The following CHCHD6 variants were observed in gnomAD, a reference collection of about 807,000 sequenced individuals.
The protein encoded by CHCHD6 is MICOS complex subunit MIC25.
In CHCHD6, 28 loss-of-function variants were observed where a neutral mutation model predicts 32.3. That is an observed-to-expected ratio of 0.87 (90% CI 0.64 to 1.19). The LOEUF is 1.19. CHCHD6 is among the 50% of genes most tolerant of loss of function. CHCHD6 has a pLI of 0.00. For missense variants in CHCHD6, 333 were observed against 307.0 expected, an observed-to-expected ratio of 1.08 and a Z score of -0.63; for synonymous variants, 122 against 117.5, an observed-to-expected ratio of 1.04 and a Z score of -0.25.
intron 7 of CHCHD6, among the ~76,000 whole-genome samples, chr3:126,959,506 G>A (rs934100575): frequency 3.3e-5 from 5 of 152,262 alleles, no homozygotes; most frequent in South Asian, 2.1e-4. Flanking sequence ...ACCAGAGAGC[G>A]GGGAGTGAAG....
At chr3:126,824,561 A>C (rs1018290682) in intron 4 of CHCHD6, among the ~76,000 whole-genome samples, 2 of 26,978 alleles carry the variant, frequency 7.4e-5, no homozygotes, top group Non-Finnish European at 1.1e-4. Context: ...ACTCTGTCTC[A>C]AAAAAAAAAA....
rs749981701 is a variant in CHCHD6, at chr3:126,704,278, G to C, written c.-35G>C. On this transcript the variant is annotated 5_prime_UTR_variant, in exon 1 of 8. Transcript: ENST00000290913. ...CCCGGTTGCTCTGGAGCCGGGTCTCGGGTCTGGTGGCTGCCGGCCCTGCGG... is the reference window on the plus strand; with the variant it reads ...CCCGGTTGCTCTGGAGCCGGGTCTCCGGTCTGGTGGCTGCCGGCCCTGCGG... The C allele has an allele frequency of 1.3e-6, 2 of 1,569,002 alleles. No individual in the cohort carries two copies. Among genetic ancestry groups the C allele is most frequent in the Non-Finnish European group, 1.7e-6 (2 of 1,149,088 alleles).
At position 126,791,518 on chromosome 3, in the gene CHCHD6, A is replaced by G. The variant is rs923678573; in HGVS notation, c.411+58296A>G. ...TTTGTTTACCTACTCAAGCCTCAGC[A>G]ATGGCGGGCGCCCCTCCCCCAGCCT... On this transcript the variant is annotated intron_variant, in intron 4 of 7. Coordinates refer to ENST00000290913, the MANE Select transcript of CHCHD6 (RefSeq NM_032343.3). Among the ~76,000 whole-genome samples the G allele has an allele frequency of 2.6e-5, 4 of 152,228 alleles. No individual in the cohort carries two copies. The South Asian group carries it at 6.2e-4, about 24-fold the overall frequency.
intron 4 of CHCHD6, among the ~76,000 whole-genome samples, chr3:126,760,651 G>C (rs767652679): frequency 1.3e-5 from 2 of 152,158 alleles, no homozygotes; most frequent in African/African-American, 4.8e-5. Flanking sequence ...AGGTTTATCC[G>C]TGTTATAGCA....
chr3:126,781,486 A>C (rs964832995), intron 4 of CHCHD6, among the ~76,000 whole-genome samples: 1 of 152,240 alleles, frequency 6.6e-6, no homozygotes, highest in South Asian at 2.1e-4. Context: ...CTAGGAGAAC[A>C]CTTAGTTGCA....
chr3:126,941,608 G>A (rs779104668), intron 6 of CHCHD6, among the ~76,000 whole-genome samples: 1 of 152,116 alleles, frequency 6.6e-6, no homozygotes, highest in Non-Finnish European at 1.5e-5. Flanking sequence ...CTATCAAATT[G>A]CCGTCACTGT....
At chr3:126,883,535 G>A (rs1283878401) in intron 5 of CHCHD6, among the ~76,000 whole-genome samples, 1 of 152,152 alleles carries the variant, frequency 6.6e-6, no homozygotes, top group Non-Finnish European at 1.5e-5. Context: ...GTGGTGTGAT[G>A]GCAGAAGAAA....
At chr3:126,937,855 C>A (rs1451632568) in intron 6 of CHCHD6, among the ~76,000 whole-genome samples, 1 of 152,064 alleles carries the variant, frequency 6.6e-6, no homozygotes, top group Non-Finnish European at 1.5e-5. Context: ...TCAGAGAGCT[C>A]TTTTGGTTAC....
chr3:126,780,527 T>TC, intron 4 of CHCHD6: 1 of 192,960 alleles, frequency 5.2e-6, no homozygotes, highest in Non-Finnish European at 1.1e-5. Flanking sequence ...TGTTTAATCT[T>TC]CCCCCCTTTT....
At chr3:126,918,886 C>T (rs1040523870) in intron 6 of CHCHD6, among the ~76,000 whole-genome samples, 27 of 152,208 alleles carry the variant, frequency 1.8e-4, no homozygotes, top group African/African-American at 6.0e-4. Flanking sequence ...GCTTTAGCTA[C>T]AAGTTTTGAT....
At chr3:126,750,050 G>T (rs1050064867) in intron 4 of CHCHD6, among the ~76,000 whole-genome samples, 8 of 152,140 alleles carry the variant, frequency 5.3e-5, no homozygotes, top group Non-Finnish European at 1.2e-4. Flanking sequence ...GTGCCTTCAG[G>T]GACCTCAAAC....
chr3:126,951,955 G>GTTTGTT (rs1315235160), intron 6 of CHCHD6, among the ~76,000 whole-genome samples: 1 of 152,174 alleles, frequency 6.6e-6, no homozygotes, highest in Non-Finnish European at 1.5e-5. Context: ...GACATTGTGG[G>GTTTGTT]TTTGTTTTTG....
chr3:126,766,414 CGGA>C, intron 4 of CHCHD6: 2 of 585,718 alleles, frequency 3.4e-6, no homozygotes, highest in Non-Finnish European at 6.4e-6. Flanking sequence ...GGTGTAGAGT[CGGA>C]GAAGTCTCTG....
At chr3:126,715,610 G>T (rs1354774866) in intron 1 of CHCHD6, among the ~76,000 whole-genome samples, 2 of 152,094 alleles carry the variant, frequency 1.3e-5, no homozygotes, top group Non-Finnish European at 2.9e-5. Context: ...TTTGCCTGTG[G>T]AACAGAGCTG....
intron 4 of CHCHD6, among the ~76,000 whole-genome samples, chr3:126,801,082 C>A (rs929786173): frequency 2.0e-5 from 3 of 152,200 alleles, no homozygotes; most frequent in Non-Finnish European, 2.9e-5. Context: ...GATGGAGGAG[C>A]CAAGATGGCC....
intron 1 of CHCHD6, among the ~76,000 whole-genome samples, chr3:126,722,956 G>C (rs1400624828): frequency 1.3e-5 from 2 of 152,066 alleles, no homozygotes; most frequent in Admixed American, 1.3e-4. Flanking sequence ...TTAGGTCTCG[G>C]ATCTGTTTTG....
rs558105510 is a variant in CHCHD6, at chr3:126,807,051, G to T, written c.412-45596G>T. Among the ~76,000 whole-genome samples the T allele has an allele frequency of 2.3e-4, 27 of 118,266 alleles. No individual in the cohort carries two copies. The East Asian group carries it at 6.1e-3, about 27-fold the overall frequency. The allele number at this position is 118,266 out of a possible 152,430, so 77.6% of individuals were successfully genotyped here. A position where few individuals can be genotyped will look rare whatever the true frequency, so the allele number is the denominator to read the frequency against. On this transcript the variant is annotated intron_variant, in intron 4 of 7. Transcript: ENST00000290913. ...CATCACACTCTGGGGCCTGCTGTGG[G>T]GTGGGGGGAGGGGGGAGGGATAGCA...
At chr3:126,958,333 T>C (rs1007266305) in intron 7 of CHCHD6, among the ~76,000 whole-genome samples, 1 of 152,038 alleles carries the variant, frequency 6.6e-6, no homozygotes, top group African/African-American at 2.4e-5. Context: ...TAGTTTGGGC[T>C]CCCCAAGGAG....
chr3:126,846,789 A>G (rs1441129115), intron 4 of CHCHD6, among the ~76,000 whole-genome samples: 1 of 152,122 alleles, frequency 6.6e-6, no homozygotes, highest in Admixed American at 6.5e-5. Flanking sequence ...CCAGTATTTT[A>G]TCTCTATATG....
Sources: gnomAD v4.1 joint callset for allele counts (sites outside exome capture counted in the v4.1 genomes callset) on GRCh38, gnomAD v4.1.1 for gene constraint, MANE v1.5 for transcripts, NCBI Gene and HGNC (gene_info 2026-07-23, HGNC 2026-07-21) for gene names.